Variants in SAMTOR observed in about 807,000 individuals in gnomAD.
The protein encoded by SAMTOR is S-adenosylmethionine sensor upstream of mTORC1.
the SAMTOR span, among the ~76,000 whole-genome samples, chr7:112,836,175 C>A: frequency 6.6e-6 from 1 of 152,116 alleles, no homozygotes; most frequent in African/African-American, 2.4e-5. Flanking sequence ...TTAATAATAG[C>A]CATTCTGATG....
chr7:112,900,007 G>C, the SAMTOR span, among the ~76,000 whole-genome samples: 1 of 152,062 alleles, frequency 6.6e-6, no homozygotes, highest in African/African-American at 2.4e-5. Flanking sequence ...AAACTCACTG[G>C]TAAAGGTACA....
the SAMTOR span, among the ~76,000 whole-genome samples, chr7:112,854,001 GAC>G: frequency 1.3e-5 from 2 of 152,042 alleles, no homozygotes; most frequent in Non-Finnish European, 2.9e-5. Flanking sequence ...TTGAATTGAT[GAC>G]AGTCATACAC....
chr7:112,872,315 A>G, the SAMTOR span, among the ~76,000 whole-genome samples: 1 of 152,220 alleles, frequency 6.6e-6, no homozygotes, highest in Non-Finnish European at 1.5e-5. Context: ...TGCAAGATTG[A>G]TTCAACACAT....
chr7:112,889,277 A>G, the SAMTOR span, among the ~76,000 whole-genome samples: 2 of 152,232 alleles, frequency 1.3e-5, no homozygotes, highest in Non-Finnish European at 2.9e-5. Context: ...ACTGGTATCA[A>G]AGAGTATCAA....
At chr7:112,829,640 AT>A in the SAMTOR span, among the ~76,000 whole-genome samples, 1 of 152,204 alleles carries the variant, frequency 6.6e-6, no homozygotes, top group Non-Finnish European at 1.5e-5. Flanking sequence ...TGCTATAAAT[AT>A]TCCTGAACTG....
At chr7:112,885,027 A>C in the SAMTOR span, among the ~76,000 whole-genome samples, 25 of 152,350 alleles carry the variant, frequency 1.6e-4, no homozygotes, top group African/African-American at 5.8e-4. Context: ...CCACAGGCTC[A>C]ACACCATGTG....
the SAMTOR span, among the ~76,000 whole-genome samples, chr7:112,925,794 CAAA>C: frequency 3.2e-4 from 34 of 107,856 alleles, no homozygotes; most frequent in Non-Finnish European, 3.0e-4. Flanking sequence ...AGCTCTGTCT[CAAA>C]AAAAAAAAAA....
chr7:112,869,305 T>C, the SAMTOR span, among the ~76,000 whole-genome samples: 4 of 152,190 alleles, frequency 2.6e-5, no homozygotes, highest in African/African-American at 9.6e-5. Context: ...TGAAGACCAG[T>C]GGCACTGGCG....
the SAMTOR span, among the ~76,000 whole-genome samples, chr7:112,830,935 C>T: frequency 3.3e-5 from 5 of 150,242 alleles, no homozygotes; most frequent in African/African-American, 1.2e-4. Flanking sequence ...TGGTCTACTA[C>T]TAACCCCATT....
At chr7:112,911,899 T>C in the SAMTOR span, among the ~76,000 whole-genome samples, 1 of 151,810 alleles carries the variant, frequency 6.6e-6, no homozygotes, top group Non-Finnish European at 1.5e-5. Flanking sequence ...ATGCAGAATG[T>C]GGGATATTCT....
At chr7:112,903,755 A>G in the SAMTOR span, among the ~76,000 whole-genome samples, 13 of 152,294 alleles carry the variant, frequency 8.5e-5, no homozygotes, top group South Asian at 2.7e-3. Flanking sequence ...AGCTGAAGGA[A>G]AGAAAGTGTG....
At chr7:112,912,241 T>C in the SAMTOR span, among the ~76,000 whole-genome samples, 1 of 152,008 alleles carries the variant, frequency 6.6e-6, no homozygotes, top group African/African-American at 2.4e-5. Context: ...TACCTTCAAA[T>C]AGTTCAGGAA....
chr7:112,937,033 T>A, the SAMTOR span, among the ~76,000 whole-genome samples: 1 of 152,316 alleles, frequency 6.6e-6, no homozygotes, highest in South Asian at 2.1e-4. Context: ...ATTTTAATAT[T>A]TTTAGGACTC....
chr7:112,885,548 T>C, the SAMTOR span, among the ~76,000 whole-genome samples: 1 of 152,078 alleles, frequency 6.6e-6, no homozygotes, highest in Non-Finnish European at 1.5e-5. Context: ...ATAGGATGAG[T>C]GACCCTTACT....
the SAMTOR span, among the ~76,000 whole-genome samples, chr7:112,916,482 A>G: frequency 6.6e-6 from 1 of 152,192 alleles, no homozygotes; most frequent in Non-Finnish European, 1.5e-5. Flanking sequence ...CCGAACAGGA[A>G]CAGCTCCGGT....
the SAMTOR span, among the ~76,000 whole-genome samples, chr7:112,923,345 G>A: frequency 6.6e-6 from 1 of 152,024 alleles, no homozygotes; most frequent in East Asian, 1.9e-4. Flanking sequence ...CACTGCGGAA[G>A]GCTGCAGGGT....
the SAMTOR span, among the ~76,000 whole-genome samples, chr7:112,898,484 G>A: frequency 2.0e-5 from 3 of 152,192 alleles, no homozygotes; most frequent in South Asian, 6.2e-4. Flanking sequence ...CAAAGCACCA[G>A]GCAGAATCCT....
chr7:112,899,789 GAA>G, the SAMTOR span, among the ~76,000 whole-genome samples: 33 of 113,328 alleles, frequency 2.9e-4, no homozygotes, highest in African/African-American at 7.9e-4. Context: ...TGTGCTGAAG[GAA>G]AAAAAAAAAA....
the SAMTOR span, among the ~76,000 whole-genome samples, chr7:112,829,248 T>A: frequency 1.3e-5 from 2 of 152,228 alleles, no homozygotes; most frequent in Non-Finnish European, 2.9e-5. Flanking sequence ...TATGCATTAA[T>A]CCTATCCAGT....
Sources: allele counts gnomAD v4.1 joint callset (sites outside exome capture counted in the v4.1 genomes callset), GRCh38; gene constraint gnomAD v4.1.1; transcripts MANE v1.5; gene names NCBI Gene and HGNC (gene_info 2026-07-23, HGNC 2026-07-21).